Variants in CUL1 observed in about 807,000 individuals in gnomAD.
CUL1 encodes cullin 1.
Under a neutral mutation model 118.0 loss-of-function variants are expected in CUL1, and 24 were observed. That is an observed-to-expected ratio of 0.20 (90% CI 0.15 to 0.29). CUL1 has a LOEUF of 0.29. Among genes scored for constraint, CUL1 ranks in the 10% least tolerant of loss-of-function variants. The pLI is 1.00. For synonymous variants in CUL1, 332 were observed against 340.4 expected (o/e 0.98, Z 0.27); for missense variants, 361 against 933.8 (o/e 0.39, Z 7.99).
intron 21 of CUL1, 49 bp downstream of exon 21, chr7:148,799,437 A>C (rs758007208): frequency 7.6e-7 from 1 of 1,311,192 alleles, no homozygotes; most frequent in Non-Finnish European, 1.1e-6. Context: ...TTTAGAAGAT[A>C]AAAGATGTAG....
intron 2 of CUL1, 149 bp downstream of exon 2, chr7:148,730,411 A>C: frequency 1.1e-6 from 1 of 899,996 alleles, no homozygotes. Flanking sequence ...TAAGTTTTTG[A>C]ACAGAGTAGA....
chr7:148,741,725 C>T (rs1388686463), intron 2 of CUL1, among the ~76,000 whole-genome samples: 4 of 143,490 alleles, frequency 2.8e-5, no homozygotes, highest in African/African-American at 5.5e-5. Flanking sequence ...AGGTGCGCAT[C>T]ACCATGCCCA....
chr7:148,705,245 T>C (rs1226846598), intron 1 of CUL1, among the ~76,000 whole-genome samples: 3 of 152,262 alleles, frequency 2.0e-5, no homozygotes, highest in Non-Finnish European at 4.4e-5. Flanking sequence ...GAAGTTTCTT[T>C]TTTTTAGTAA....
At chr7:148,703,044 T>C (rs1797767645) in intron 1 of CUL1, among the ~76,000 whole-genome samples, 1 of 152,178 alleles carries the variant, frequency 6.6e-6, no homozygotes, top group African/African-American at 2.4e-5. Flanking sequence ...GCTAGGAAGG[T>C]AGTCAAGCCC....
intron 1 of CUL1, among the ~76,000 whole-genome samples, chr7:148,728,720 A>AAGACCCATAGCCC (rs1487219649): frequency 6.6e-6 from 1 of 152,232 alleles, no homozygotes; most frequent in Non-Finnish European, 1.5e-5. Flanking sequence ...ATAAAATATT[A>AAGACCCATAGCCC]AGACCCATAG....
At chr7:148,746,718 A>G (rs1181103809) in intron 2 of CUL1, among the ~76,000 whole-genome samples, 1 of 152,244 alleles carries the variant, frequency 6.6e-6, no homozygotes, top group Non-Finnish European at 1.5e-5. Flanking sequence ...GTTTAAGTCT[A>G]AAACAGGTGA....
rs754911331 is a variant in CUL1 at position 148,790,235 on chromosome 7, T to C, written c.1675-75T>C. ...ACTTTGTACTGTAAGCTTGGAACAG[T>C]GGGCTTTACTTAGAAACGCTGCCTG... On this transcript the variant is annotated intron_variant, in intron 15 of 21. Coordinates refer to ENST00000325222, the MANE Select transcript of CUL1 (RefSeq NM_003592.3). 8.0e-4 allele frequency: 1,191 copies of C among 1,485,594 alleles called. 1 individual carries two copies. Among genetic ancestry groups the C allele is most frequent in the Non-Finnish European group, 1.0e-3 (1,107 of 1,065,782 alleles). The allele number at this position is 1,485,594 out of a possible 1,614,324, so 92.0% of individuals were successfully genotyped here.
intron 2 of CUL1, among the ~76,000 whole-genome samples, chr7:148,739,453 CG>C (rs1057359852): frequency 2.0e-5 from 3 of 152,162 alleles, no homozygotes; most frequent in Non-Finnish European, 4.4e-5. Flanking sequence ...TGCCCTAAAC[CG>C]GGGGCACCTC....
Position 148,747,344 on chromosome 7 carries a change from T to C in CUL1, c.141-6632T>C, listed in dbSNP as rs147161657. 7.5e-4 allele frequency among the ~76,000 whole-genome samples: 114 copies of C among 152,256 alleles called. 2 individuals carry two copies. In the East Asian group the frequency reaches 0.018, roughly 24 times the overall value. ...GTGCTGTGTGAAATACAGCAAAGTG[T>C]AATGCTCTGCACAAAAGTAAGAGGG... On this transcript the variant is annotated intron_variant, in intron 2 of 21. Coordinates refer to ENST00000325222, the MANE Select transcript of CUL1 (RefSeq NM_003592.3).
intron 2 of CUL1, among the ~76,000 whole-genome samples, chr7:148,743,974 A>G (rs1308338644): frequency 6.6e-6 from 1 of 152,214 alleles, no homozygotes. Flanking sequence ...AGACAAAAAT[A>G]CATTTGCGAA....
At chr7:148,706,628 G>GTTCTATATATAGGGGACT (rs1237737373) in intron 1 of CUL1, among the ~76,000 whole-genome samples, 2 of 114,274 alleles carry the variant, frequency 1.8e-5, no homozygotes, top group Admixed American at 1.4e-4. Context: ...TTTGTTACAT[G>GTTCTATATATAGGGGACT]TTCTATATAT....
At chr7:148,795,865 C>G (rs1563172017) in intron 17 of CUL1, among the ~76,000 whole-genome samples, 1 of 151,638 alleles carries the variant, frequency 6.6e-6, no homozygotes, top group African/African-American at 2.4e-5. Flanking sequence ...TTTATTAGCT[C>G]AAATAGTTTT....
At chr7:148,771,865 T>G (rs952673737) in intron 9 of CUL1, among the ~76,000 whole-genome samples, 1 of 151,918 alleles carries the variant, frequency 6.6e-6, no homozygotes, top group Admixed American at 6.5e-5. Context: ...CTCCATTCAC[T>G]TAGTGAGGCT....
intron 2 of CUL1, among the ~76,000 whole-genome samples, chr7:148,749,290 G>A (rs1278741805): frequency 1.3e-5 from 2 of 151,652 alleles, no homozygotes; most frequent in African/African-American, 2.4e-5. Flanking sequence ...GGTGATGCAC[G>A]CCTGTAATCT....
At chr7:148,708,756 T>C (rs1319197096) in intron 1 of CUL1, among the ~76,000 whole-genome samples, 1 of 152,218 alleles carries the variant, frequency 6.6e-6, no homozygotes, top group Non-Finnish European at 1.5e-5. Context: ...TGGATGTTGG[T>C]TCTGGGTATT....
intron 1 of CUL1, among the ~76,000 whole-genome samples, chr7:148,724,520 AC>A (rs1798497847): frequency 6.6e-6 from 1 of 152,214 alleles, no homozygotes; most frequent in Non-Finnish European, 1.5e-5. Context: ...GTGTGGAAGC[AC>A]AGCTGGCTCT....
intron 15 of CUL1, 148 bp downstream of exon 15, chr7:148,789,974 A>G (rs1800950527): frequency 5.3e-6 from 4 of 756,630 alleles, no homozygotes; most frequent in South Asian, 4.9e-5. Flanking sequence ...CTCAGGGAAG[A>G]GCCCTGTGCA....
In CUL1 at chr7:148,800,689, CT is replaced by C; in HGVS notation, c.*111del. ...GCCAGCCTGCCGCCATTGGACCTCC[CT>C]TTTAAAAACTGAGACCAAGACTCCC... is the stretch of plus-strand genomic sequence containing the variant. On this transcript the variant is annotated 3_prime_UTR_variant, in exon 22 of 22. Transcript: ENST00000325222. The surrounding 1 kb of genome is among the most constrained non-coding windows in gnomAD (Gnocchi z 4.6). 1.3e-6 allele frequency: 1 copy of C among 797,776 alleles called. No homozygotes were observed. The highest frequency in any genetic ancestry group is 1.7e-5 in the African/African-American group (1 of 57,432). 49.4% of individuals were successfully genotyped at this position (797,776 alleles called of 1,614,324 possible).
rs1478904075 is a variant in CUL1 at position 148,721,771 on chromosome 7, G to A, written c.-161-8191G>A. Among the ~76,000 whole-genome samples, 6 of 151,886 alleles carry A rather than the reference G, an allele frequency of 4.0e-5. No homozygotes were observed. In the East Asian group the frequency reaches 1.2e-3, roughly 29 times the overall value. The stretch of plus-strand genomic sequence containing the variant: ...CAGGAATTCACTTGTGTTGAAGCGT[G>A]TAGCTGAAGTTGGCTCATTTTGTGT... On this transcript the variant is annotated intron_variant, in intron 1 of 21. Coordinates refer to ENST00000325222, the MANE Select transcript of CUL1 (RefSeq NM_003592.3).
Sources: gnomAD v4.1 joint callset for allele counts (sites outside exome capture counted in the v4.1 genomes callset) on GRCh38, gnomAD v4.1.1 for gene constraint, Gnocchi (gnomAD v3.1) non-coding constraint, MANE v1.5 for transcripts, NCBI Gene and HGNC (gene_info 2026-07-23, HGNC 2026-07-21) for gene names.